The following CLIP2 variants were observed in gnomAD, a reference collection of about 807,000 sequenced individuals.
CLIP2 encodes the protein CAP-Gly domain containing linker protein 2, also known as CAP-Gly domain-containing linker protein 2.
CLIP2 carries 41 observed loss-of-function variants against 111.7 expected under a neutral mutation model. That is an observed-to-expected ratio of 0.37 (90% CI 0.29 to 0.48). The LOEUF (loss-of-function observed/expected upper bound fraction) is 0.48. Among genes scored for constraint, CLIP2 ranks in the 20% least tolerant of loss-of-function variants. CLIP2 has a pLI of 0.99. For missense variants in CLIP2, 1,160 were observed against 1,422.1 expected (o/e 0.82, Z 2.96); for synonymous variants, 660 against 644.2 (o/e 1.02, Z -0.37).
rs1252423555 is a variant in CLIP2, at chr7:74,289,422, C to A, written c.-380C>A. ...TGCGCCGGCCCCTTTTGTTCCCTCC[C>A]GGAGCCGGGCCGCTGGCTCCGCTGG... is the stretch of plus-strand genomic sequence containing the variant. On this transcript the variant is annotated 5_prime_UTR_variant, in exon 1 of 17. Transcript: ENST00000223398. The A allele has an allele frequency of 6.0e-5, 9 of 150,994 alleles. 1 individual carries two copies. Among genetic ancestry groups the A allele is most frequent in the Admixed American group, 4.6e-4 (7 of 15,162 alleles). The allele number at this position is 150,994 out of a possible 1,614,324, so 9.4% of individuals were successfully genotyped here. A position where few individuals can be genotyped will look rare whatever the true frequency, so the allele number is the denominator to read the frequency against.
At chr7:74,303,505 G>A (rs1212472854) in intron 1 of CLIP2, among the ~76,000 whole-genome samples, 1 of 152,030 alleles carries the variant, frequency 6.6e-6, no homozygotes, top group Non-Finnish European at 1.5e-5. Context: ...CTGGCAGTGA[G>A]CATTTTGGGG....
chr7:74,365,259 C>A (rs1584364010), intron 8 of CLIP2, among the ~76,000 whole-genome samples: 2 of 152,170 alleles, frequency 1.3e-5, no homozygotes, highest in East Asian at 1.9e-4. Flanking sequence ...AACAGAGACC[C>A]CCCTGTGCCA....
chr7:74,380,736 TGCTGGGCTG>T, intron 10 of CLIP2, 61 bp from the exon 11 acceptor site: 1 of 1,366,874 alleles, frequency 7.3e-7, no homozygotes, highest in Non-Finnish European at 1.0e-6. Context: ...CAGGTGTGCT[TGCTGGGCTG>T]GCTGGGGCTG....
chr7:74,331,205 C>CAAAAAAAAAA (rs58844348), intron 2 of CLIP2, among the ~76,000 whole-genome samples: 5 of 59,942 alleles, frequency 8.3e-5, no homozygotes, highest in African/African-American at 3.9e-4. Context: ...GACTCCATCT[C>CAAAAAAAAAA]AAAAAAAAAA....
intron 13 of CLIP2, among the ~76,000 whole-genome samples, chr7:74,392,750 G>A (rs1323522180): frequency 6.6e-6 from 1 of 152,130 alleles, no homozygotes; most frequent in Non-Finnish European, 1.5e-5. Context: ...ACTAGGAGGT[G>A]GAGGTTGCAG....
At chr7:74,375,268 A>C (rs1244184190) in intron 9 of CLIP2, among the ~76,000 whole-genome samples, 1 of 150,782 alleles carries the variant, frequency 6.6e-6, no homozygotes, top group Admixed American at 6.6e-5. Context: ...AAAAAAAAAA[A>C]TGCTGGGCGG....
chr7:74,383,102 T>C (rs924379320), intron 11 of CLIP2, among the ~76,000 whole-genome samples: 1 of 142,928 alleles, frequency 7.0e-6, no homozygotes, highest in African/African-American at 2.6e-5. Flanking sequence ...AAAAAAAAAA[T>C]CAATTCTTTT....
intron 3 of CLIP2, among the ~76,000 whole-genome samples, chr7:74,342,290 C>T (rs113056806): frequency 8.0e-4 from 122 of 151,866 alleles, no homozygotes; most frequent in African/African-American, 2.7e-3. Context: ...GCAGGAGAAT[C>T]GCTTGAACCT....
Position 74,353,915 on chromosome 7 carries a change from G to T in CLIP2, c.714G>T (p.Val238=), listed in dbSNP as rs371972930. 33 of 1,614,030 alleles carry T rather than the reference G, an allele frequency of 2.0e-5. No individual in the cohort carries two copies. The highest frequency in any genetic ancestry group is 2.7e-5 in the African/African-American group (2 of 74,942). ...CGAAGACTGGCGTGGTGCGGTACGT[G>T]GGGGAGACAGACTTTGCCAAGGGCG... ...GGTKTGVVRY[V]GETDFAKGEW... Residue 238 remains valine (V), a synonymous_variant, in exon 4 of 17, where the codon GTG becomes GTT. Transcript: ENST00000223398.
At chr7:74,401,743 CT>C in intron 16 of CLIP2, 176 bp downstream of exon 16, 2 of 732,828 alleles carry the variant, frequency 2.7e-6, no homozygotes, top group Non-Finnish European at 4.8e-6. Context: ...TCACCCTGCT[CT>C]TTTTGATTTG....
At chr7:74,354,068 A>G (rs1016985776) in intron 4 of CLIP2, 64 bp downstream of exon 4, 8 of 1,540,754 alleles carry the variant, frequency 5.2e-6, no homozygotes, top group Non-Finnish European at 7.0e-6. Flanking sequence ...GGCGCAGGGG[A>G]TGGAGATGGG....
chr7:74,351,984 C>T (rs1373859040), intron 3 of CLIP2, among the ~76,000 whole-genome samples: 1 of 152,216 alleles, frequency 6.6e-6, no homozygotes, highest in African/African-American at 2.4e-5. Flanking sequence ...CCAATGGCCG[C>T]ACTCCAGAGA....
chr7:74,373,942 A>T (rs1279301604), intron 9 of CLIP2, among the ~76,000 whole-genome samples: 1 of 152,072 alleles, frequency 6.6e-6, no homozygotes, highest in African/African-American at 2.4e-5. Flanking sequence ...TCCTGGAGCC[A>T]TGGAACAGCT....
In CLIP2 at chr7:74,364,313, G is replaced by C. The variant is rs1554310356; in HGVS notation, c.1378G>C (p.Glu460Gln). 1.9e-6 allele frequency: 3 copies of C among 1,613,224 alleles called. No homozygotes were observed. The highest frequency in any genetic ancestry group is 2.5e-6 in the Non-Finnish European group (3 of 1,179,600). The change falls in exon 8 of 17, where the codon GAG becomes CAG. Residue 460 changes from glutamate (E) to glutamine (Q), a missense_variant and splice_region_variant. Around this residue, in one of 5 missense-constraint regions of CLIP2, gnomAD observed 70 missense variants for 114.9 expected, o/e 0.61. Coordinates refer to ENST00000223398, the MANE Select transcript of CLIP2 (RefSeq NM_003388.5). The part of the protein sequence containing the change: ...EEESITKGDL[E>Q]TQTQLEHARI... The stretch of plus-strand genomic sequence containing the variant: ...GGAGTCCATCACCAAGGGAGACCTG[G>C]AGGTAACAGTCAGAGGCCCCTTCCC...
intron 2 of CLIP2, among the ~76,000 whole-genome samples, chr7:74,320,218 A>T (rs1399886202): frequency 3.7e-5 from 5 of 136,894 alleles, no homozygotes; most frequent in Non-Finnish European, 7.8e-5. Flanking sequence ...AAAAAAAAAG[A>T]AAGAAAAAGG....
intron 3 of CLIP2, among the ~76,000 whole-genome samples, chr7:74,347,312 A>G (rs541076160): frequency 9.2e-5 from 14 of 152,268 alleles, no homozygotes; most frequent in African/African-American, 2.9e-4. Flanking sequence ...TCTGTCGCCT[A>G]GGCTGGAGTG....
intron 2 of CLIP2, among the ~76,000 whole-genome samples, chr7:74,319,091 A>G (rs544780809): frequency 5.3e-5 from 8 of 152,262 alleles, no homozygotes; most frequent in South Asian, 2.1e-4. Flanking sequence ...AGGGTGGCAA[A>G]TCCTCTCCAG....
chr7:74,351,079 GAA>G (rs1390500357), intron 3 of CLIP2, among the ~76,000 whole-genome samples: 3 of 83,880 alleles, frequency 3.6e-5, no homozygotes, highest in Non-Finnish European at 9.9e-5. Context: ...AAGAAAGAAA[GAA>G]AGAAAAAGAA....
chr7:74,332,973 G>A (rs974349102), intron 2 of CLIP2, among the ~76,000 whole-genome samples: 28 of 152,168 alleles, frequency 1.8e-4, no homozygotes, highest in Admixed American at 5.2e-4. Context: ...GGCAGGACCC[G>A]CGTCCTCGCA....
Sources: gnomAD v4.1 joint callset for allele counts (sites outside exome capture counted in the v4.1 genomes callset) on GRCh38, gnomAD v4.1.1 for gene constraint, gnomAD v4.1.1 regional missense constraint, MANE v1.5 for transcripts, NCBI Gene and HGNC (gene_info 2026-07-23, HGNC 2026-07-21) for gene names.